Variants in RIMBP2 observed in about 807,000 individuals in gnomAD.
RIMBP2 encodes the protein RIMS-binding protein 2.
In RIMBP2, 48 loss-of-function variants were observed where a neutral mutation model predicts 118.6. The observed-to-expected ratio is 0.40, with a 90% CI of 0.32 to 0.51. The LOEUF (loss-of-function observed/expected upper bound fraction) is 0.51, where lower values mean the gene tolerates loss of function less well. RIMBP2 is among the 20% of genes least tolerant of loss of function. RIMBP2 has a pLI of 0.41. For missense variants in RIMBP2, 1,551 were observed against 1,768.3 expected, an observed-to-expected ratio of 0.88 and a Z score of 2.20; for synonymous variants, 762 against 742.9, an observed-to-expected ratio of 1.03 and a Z score of -0.42.
rs889857882 is a variant in RIMBP2 at position 130,424,452 on chromosome 12, G to A, written c.2819C>T (p.Ala940Val). 7.7e-5 allele frequency: 95 copies of A among 1,232,232 alleles called. No homozygotes were observed. Among genetic ancestry groups the A allele is most frequent in the Middle Eastern group, 6.2e-4 (2 of 3,210 alleles). The allele number at this position is 1,232,232 out of a possible 1,614,324, so 76.3% of individuals were successfully genotyped here. Reference protein sequence around the residue: ...SRFGFGNTVAACSPGPGHCPC... With the variant: ...SRFGFGNTVAVCSPGPGHCPC... Reference sequence around the variant, plus strand: ...ACAGTGACCAGGGCCTGGGCTGCACGCGGCCACGGTGTTTCCGAAGCCAAA... The same window carrying A: ...ACAGTGACCAGGGCCTGGGCTGCACACGGCCACGGTGTTTCCGAAGCCAAA... Residue 940 changes from alanine to valine, a missense_variant, in exon 16 of 23, where the codon GCG becomes GTG. Ala to Val is a moderately conservative substitution (Grantham distance 64). Transcript: ENST00000690449. The surrounding 1 kb of genome is among the most constrained non-coding windows in gnomAD (Gnocchi z 9.8).
chr12:130,452,759 G>GACTGCAGCAGAACTTGGGCCGCGTA (rs1566064689), intron 7 of RIMBP2, among the ~76,000 whole-genome samples: 3 of 152,346 alleles, frequency 2.0e-5, no homozygotes, highest in East Asian at 1.9e-4. Context: ...GGGGCCGCGT[G>GACTGCAGCAGAACTTGGGCCGCGTA]TGACTGCAGC....
chr12:130,530,040 A>C (rs2053210664), intron 2 of RIMBP2, among the ~76,000 whole-genome samples: 1 of 152,140 alleles, frequency 6.6e-6, no homozygotes, highest in Admixed American at 6.5e-5. Flanking sequence ...AGACAAACCT[A>C]TATCCCAACA....
rs1719603564 is a variant in RIMBP2 at position 130,506,690 on chromosome 12, G to C, written c.-46C>G. ...GGTTCTCCAGCTTGGCTTGGAGCTG[G>C]TGTTTCTCCTTCACGGCCAAATCGC... On this transcript the variant is annotated 5_prime_UTR_variant, in exon 4 of 23. Coordinates refer to ENST00000690449, the MANE Select transcript of RIMBP2 (RefSeq NM_001393629.1). 3 of 985,738 alleles carry C rather than the reference G, an allele frequency of 3.0e-6. No homozygotes were observed. Among genetic ancestry groups the C allele is most frequent in the East Asian group, 1.1e-4 (1 of 8,806 alleles). 61.1% of individuals were successfully genotyped at this position (985,738 alleles called of 1,614,324 possible).
Position 130,621,208 on chromosome 12 carries a change from G to A in RIMBP2, c.-217+7114C>T, listed in dbSNP as rs2061289492. 6.6e-6 allele frequency among the ~76,000 whole-genome samples: 1 copy of A among 152,188 alleles called. No homozygotes were observed. Among genetic ancestry groups the A allele is most frequent in the Non-Finnish European group, 1.5e-5 (1 of 68,034 alleles). On this transcript the variant is annotated intron_variant, in intron 2 of 22. Coordinates refer to ENST00000690449, the MANE Select transcript of RIMBP2 (RefSeq NM_001393629.1). The surrounding 1 kb of genome is among the most constrained non-coding windows in gnomAD (Gnocchi z 6.6). ...TCTGGAGATGGGTCTTCTGAAAGGT[G>A]AGGGTTAGGGTGATGGACTCCAGGT...
chr12:130,618,954 A>C (rs6486558), intron 2 of RIMBP2, among the ~76,000 whole-genome samples: 111,710 of 152,028 alleles, frequency 0.73, 44,042 homozygotes, highest in East Asian at 1. Flanking sequence ...TTTCATCACA[A>C]ATGGGTCTTT....
rs779023210 is a variant in RIMBP2, at chr12:130,649,242, G to A, written c.-351-20786C>T. Among the ~76,000 whole-genome samples, 8 of 114,064 alleles carry A rather than the reference G, an allele frequency of 7.0e-5. 1 individual carries two copies. Among genetic ancestry groups the A allele is most frequent in the Non-Finnish European group, 1.5e-4 (7 of 45,182 alleles). The allele number at this position is 114,064 out of a possible 152,430, so 74.8% of individuals were successfully genotyped here. On this transcript the variant is annotated intron_variant, in intron 1 of 22. Transcript: ENST00000690449. ...AGCCAGCCTCTAGGCCAAGTAAGGC[G>A]CTGGAATGTGGGGCTTGCTGCGACG...
At chr12:130,456,790 C>CAT in intron 6 of RIMBP2, 90 bp from the exon 7 acceptor site, 2 of 1,005,670 alleles carry the variant, frequency 2.0e-6, no homozygotes, top group Non-Finnish European at 1.5e-6. Flanking sequence ...TACGTGTGCA[C>CAT]ATGTGCACTG....
chr12:130,584,126 A>G (rs1021634156), intron 2 of RIMBP2, among the ~76,000 whole-genome samples: 1 of 139,454 alleles, frequency 7.2e-6, no homozygotes, highest in Non-Finnish European at 1.5e-5. Flanking sequence ...ATCATTACAT[A>G]TGATGTAACC....
intron 2 of RIMBP2, among the ~76,000 whole-genome samples, chr12:130,559,748 G>C (rs2056664046): frequency 6.6e-6 from 1 of 152,124 alleles, no homozygotes; most frequent in Non-Finnish European, 1.5e-5. Flanking sequence ...AGAGACTAAG[G>C]GTGCTGGCTT....
chr12:130,684,614 A>T (rs563336348), intron 1 of RIMBP2, among the ~76,000 whole-genome samples: 7 of 152,314 alleles, frequency 4.6e-5, no homozygotes, highest in Admixed American at 4.6e-4. Context: ...TACTAAAAAG[A>T]CCCAGACTTA....
intron 1 of RIMBP2, among the ~76,000 whole-genome samples, chr12:130,631,316 A>C (rs7135823): frequency 0.62 from 93,807 of 152,084 alleles, 29,542 homozygotes; most frequent in Admixed American, 0.69. Flanking sequence ...TAACAACGTA[A>C]CAACTAAGTA....
In RIMBP2 at chr12:130,646,038, G is replaced by C. The variant is rs375201966; in HGVS notation, c.-351-17582C>G. 4.5e-4 allele frequency among the ~76,000 whole-genome samples: 63 copies of C among 139,134 alleles called. 2 individuals carry two copies. Among genetic ancestry groups the C allele is most frequent in the African/African-American group, 8.0e-4 (29 of 36,210 alleles). 91.3% of individuals were successfully genotyped at this position (139,134 alleles called of 152,430 possible). On this transcript the variant is annotated intron_variant, in intron 1 of 22. Transcript: ENST00000690449. Reference sequence around the variant, plus strand: ...ATTGAAATCTGTGGTGCGGCAGCCAGTTCCCTCTCCACCTCCCTCACCACC... The same window carrying C: ...ATTGAAATCTGTGGTGCGGCAGCCACTTCCCTCTCCACCTCCCTCACCACC...
rs1334825607 is a variant in RIMBP2, at chr12:130,523,933, A to G, written c.-216-6016T>C. On this transcript the variant is annotated intron_variant, in intron 2 of 22. Coordinates refer to ENST00000690449, the MANE Select transcript of RIMBP2 (RefSeq NM_001393629.1). The surrounding 1 kb of genome is among the most constrained non-coding windows in gnomAD (Gnocchi z 4.4). ...GCACAAATACATAACAAAGGCATGTAAGGGCACAGCAAGGTCTCTGGCTCT... is the reference window on the plus strand; with the variant it reads ...GCACAAATACATAACAAAGGCATGTGAGGGCACAGCAAGGTCTCTGGCTCT... 6.6e-6 allele frequency among the ~76,000 whole-genome samples: 1 copy of G among 152,208 alleles called. No individual in the cohort carries two copies. The highest frequency in any genetic ancestry group is 2.4e-5 in the African/African-American group (1 of 41,450).
At chr12:130,589,085 T>C (rs528098222) in intron 2 of RIMBP2, among the ~76,000 whole-genome samples, 1 of 152,354 alleles carries the variant, frequency 6.6e-6, no homozygotes, top group South Asian at 2.1e-4. Context: ...TAACCAGTAA[T>C]TGAAAAATCA....
At chr12:130,625,244 GAA>G (rs1173904800) in intron 2 of RIMBP2, among the ~76,000 whole-genome samples, 2 of 152,156 alleles carry the variant, frequency 1.3e-5, no homozygotes, top group African/African-American at 2.4e-5. Flanking sequence ...CAACCCCTGT[GAA>G]AGTTGTTGAT....
intron 4 of RIMBP2, among the ~76,000 whole-genome samples, chr12:130,481,495 C>T (rs1282144278): frequency 6.6e-6 from 1 of 152,188 alleles, no homozygotes; most frequent in African/African-American, 2.4e-5. Context: ...GGCATCCTCT[C>T]TGCTGTCTCC....
At chr12:130,534,033 G>A (rs1475380167) in intron 2 of RIMBP2, among the ~76,000 whole-genome samples, 1 of 151,850 alleles carries the variant, frequency 6.6e-6, no homozygotes, top group African/African-American at 2.4e-5. Context: ...AGGCATGGTG[G>A]TGCATATCTG....
Position 130,674,665 on chromosome 12 carries a change from T to G in RIMBP2, c.-352+41557A>C, listed in dbSNP as rs34214698. ...ACCATTTTTATACAATACAGTGGCA[T>G]GGAGTGGCTTCACAATGTTATGTGA... On this transcript the variant is annotated intron_variant, in intron 1 of 22. Coordinates refer to ENST00000690449, the MANE Select transcript of RIMBP2 (RefSeq NM_001393629.1). Among the ~76,000 whole-genome samples, 957 of 152,292 alleles carry G rather than the reference T, an allele frequency of 6.3e-3. 6 individuals are homozygous for G. Among genetic ancestry groups the G allele is most frequent in the Middle Eastern group, 0.017 (5 of 294 alleles).
At position 130,511,948 on chromosome 12, in the gene RIMBP2, C is replaced by A. The variant is rs2050956294; in HGVS notation, c.-126-5178G>T. On this transcript the variant is annotated intron_variant, in intron 3 of 22. Transcript: ENST00000690449. This position sits in a 1 kb window ranked among gnomAD's most constrained non-coding sequence, Gnocchi z 4.3. Reference sequence around the variant, plus strand: ...CTGGGCTTCCTGAGCACAACAGTGCCCTTCGTATGAAACCCACCAAGCTCA... The same window carrying A: ...CTGGGCTTCCTGAGCACAACAGTGCACTTCGTATGAAACCCACCAAGCTCA... 6.6e-6 allele frequency among the ~76,000 whole-genome samples: 1 copy of A among 152,140 alleles called. No homozygotes were observed.
Sources: allele counts gnomAD v4.1 joint callset (sites outside exome capture counted in the v4.1 genomes callset), GRCh38; gene constraint gnomAD v4.1.1; non-coding constraint Gnocchi (gnomAD v3.1); transcripts MANE v1.5; gene names NCBI Gene and HGNC (gene_info 2026-07-23, HGNC 2026-07-21).